The following BCR variants were observed in gnomAD, a reference collection of about 807,000 sequenced individuals.
BCR encodes BCR activator of RhoGEF and GTPase.
A neutral mutation model predicts 138.6 loss-of-function variants in BCR; 58 were observed. The observed-to-expected ratio is 0.42, with a 90% CI of 0.34 to 0.52. BCR has a LOEUF of 0.52. BCR is among the 20% of genes least tolerant of loss of function. BCR has a pLI of 0.06. For synonymous variants in BCR, 786 were observed against 730.1 expected, an observed-to-expected ratio of 1.08 and a Z score of -1.23; for missense variants, 1,599 against 1,727.2, an observed-to-expected ratio of 0.93 and a Z score of 1.32.
intron 1 of BCR, among the ~76,000 whole-genome samples, chr22:23,243,589 A>T (rs953830776): frequency 4.6e-4 from 70 of 151,734 alleles, no homozygotes; most frequent in African/African-American, 1.6e-3. Flanking sequence ...GGTATCCTTT[A>T]CAATAAACTG....
chr22:23,214,147 T>A (rs1310056777), intron 1 of BCR, among the ~76,000 whole-genome samples: 1 of 151,806 alleles, frequency 6.6e-6, no homozygotes, highest in East Asian at 1.9e-4. Context: ...TAGTTGCTGT[T>A]ATGACAGATA....
At chr22:23,269,668 C>G (rs2146285612) in intron 5 of BCR, among the ~76,000 whole-genome samples, 1 of 152,322 alleles carries the variant, frequency 6.6e-6, no homozygotes, top group East Asian at 1.9e-4. Context: ...ATCCGGGGCT[C>G]CAGCTCCCTC....
chr22:23,270,713 CTGTT>C (rs2073500586), intron 5 of BCR, among the ~76,000 whole-genome samples: 1 of 152,248 alleles, frequency 6.6e-6, no homozygotes, highest in African/African-American at 2.4e-5. Flanking sequence ...TCTTCTGTCT[CTGTT>C]TATGCTTTTG....
chr22:23,213,670 A>G (rs982578246), intron 1 of BCR, among the ~76,000 whole-genome samples: 12 of 152,128 alleles, frequency 7.9e-5, no homozygotes, highest in African/African-American at 2.9e-4. Flanking sequence ...AAAAAAACGT[A>G]AAAATATTAA....
intron 20 of BCR, 21 bp from the exon 21 acceptor site, chr22:23,313,946 AG>A: frequency 6.2e-7 from 1 of 1,603,758 alleles, no homozygotes; most frequent in Non-Finnish European, 8.5e-7. Flanking sequence ...GACCCCAAGG[AG>A]TAACCCACCG....
rs897946743 is a variant in BCR, at chr22:23,292,641, G to A, written c.2880+3G>A. ...CAGCTGAGCCAAACTGGAACGAGGT[G>A]AGGAACTGATTCCACAAGGGCCCAG... On this transcript the variant is annotated splice_donor_region_variant and intron_variant, in intron 15 of 22. Transcript: ENST00000305877. The A allele has an allele frequency of 1.9e-6, 3 of 1,609,110 alleles. No individual in the cohort carries two copies. The highest frequency in any genetic ancestry group is 1.3e-5 in the African/African-American group (1 of 74,884).
At chr22:23,299,933 T>C (rs778332058) in intron 16 of BCR, among the ~76,000 whole-genome samples, 1 of 152,090 alleles carries the variant, frequency 6.6e-6, no homozygotes, top group Non-Finnish European at 1.5e-5. Context: ...GAGTTTGGAC[T>C]CCCACGTGCA....
chr22:23,204,797 C>G (rs1044152193), intron 1 of BCR, among the ~76,000 whole-genome samples: 2 of 152,128 alleles, frequency 1.3e-5, no homozygotes, highest in Non-Finnish European at 2.9e-5. Context: ...CCCTGCCGTC[C>G]GCGTGGATGG....
At chr22:23,203,220 A>AT (rs2072576570) in intron 1 of BCR, among the ~76,000 whole-genome samples, 1 of 152,078 alleles carries the variant, frequency 6.6e-6, no homozygotes, top group Non-Finnish European at 1.5e-5. Context: ...CTGTCACTGG[A>AT]TTTACCAGGT....
At chr22:23,224,206 A>G (rs1386922751) in intron 1 of BCR, among the ~76,000 whole-genome samples, 2 of 152,146 alleles carry the variant, frequency 1.3e-5, no homozygotes, top group Non-Finnish European at 2.9e-5. Flanking sequence ...TCCTGTCCCA[A>G]GTGGCTGCCT....
chr22:23,233,563 G>A (rs2072983614), intron 1 of BCR, among the ~76,000 whole-genome samples: 1 of 152,146 alleles, frequency 6.6e-6, no homozygotes, highest in Admixed American at 6.5e-5. Flanking sequence ...TGAGGCAAAT[G>A]AATCATTTGA....
chr22:23,284,197 C>T lies in BCR; in HGVS notation c.2237+99C>T, dbSNP rs929263357. ...GGCGGAGGTCAGTGGTGATGTAGCT[C>T]GTTACATTCCGTTTCTACTTGGGCA... On this transcript the variant is annotated intron_variant, in intron 9 of 22. Transcript: ENST00000305877. 15 of 1,473,260 alleles carry T rather than the reference C, an allele frequency of 1.0e-5. No homozygotes were observed. In the East Asian group the frequency reaches 2.2e-4, roughly 22 times the overall value. The allele number at this position is 1,473,260 out of a possible 1,614,324, so 91.3% of individuals were successfully genotyped here. A position where few individuals can be genotyped will look rare whatever the true frequency, so the allele number is the denominator to read the frequency against.
intron 8 of BCR, among the ~76,000 whole-genome samples, chr22:23,281,371 C>T (rs1279738159): frequency 1.6e-4 from 25 of 152,242 alleles, no homozygotes; most frequent in Non-Finnish European, 2.8e-4. Flanking sequence ...CCGGCCCACC[C>T]TTGCCGTGTG....
intron 1 of BCR, among the ~76,000 whole-genome samples, chr22:23,207,445 A>T (rs1329790067): frequency 1.3e-5 from 2 of 151,778 alleles, no homozygotes; most frequent in African/African-American, 4.8e-5. Flanking sequence ...GCAACATAGC[A>T]AGACGCTGTC....
At chr22:23,286,565 TCTC>T (rs766301244) in intron 10 of BCR, among the ~76,000 whole-genome samples, 1 of 152,168 alleles carries the variant, frequency 6.6e-6, no homozygotes, top group Non-Finnish European at 1.5e-5. Flanking sequence ...ACTGTTGCAT[TCTC>T]CATGTTCAGC....
At position 23,287,190 on chromosome 22, in the gene BCR, G is replaced by A. The variant is rs972730655; in HGVS notation, c.2438G>A (p.Arg813Lys). The A allele has an allele frequency of 6.4e-7, 1 of 1,574,460 alleles. No homozygotes were observed. The highest frequency in any genetic ancestry group is 1.8e-5 in the Admixed American group (1 of 54,320). Residue 813 changes from arginine (R) to lysine (K), a missense_variant, in exon 11 of 23, where the codon AGG becomes AAG. Physicochemically the swap from Arg to Lys is conservative, Grantham distance 26. This residue lies in a region of BCR where 590 missense variants were observed against 762.4 expected (regional missense o/e 0.77). Coordinates refer to ENST00000305877, the MANE Select transcript of BCR (RefSeq NM_004327.4). ...RANKGSKATE[R>K]LKKKLSEQES... ...AACAAGGGCAGCAAGGCTACGGAGA[G>A]GCTGAAGAAGAAGCTGTCGGAGCAG...
At chr22:23,282,313 G>C (rs1176826244) in intron 8 of BCR, among the ~76,000 whole-genome samples, 1 of 152,250 alleles carries the variant, frequency 6.6e-6, no homozygotes, top group Non-Finnish European at 1.5e-5. Context: ...CCAGGCAGCC[G>C]TCTGCCCTCG....
At chr22:23,313,346 A>G (rs1057262783) in intron 20 of BCR, among the ~76,000 whole-genome samples, 1 of 152,208 alleles carries the variant, frequency 6.6e-6, no homozygotes, top group Non-Finnish European at 1.5e-5. Flanking sequence ...TGCTCTTGCC[A>G]TGGGTCCTGG....
rs563891547 is a variant in BCR at position 23,194,983 on chromosome 22, T to C, written c.1279+12744T>C. On this transcript the variant is annotated intron_variant, in intron 1 of 22. Coordinates refer to ENST00000305877, the MANE Select transcript of BCR (RefSeq NM_004327.4). ...AATAAATAAATACACATAAAAACCA[T>C]TGCTTTTTTTTGGCCGGGAGTGGTG... 6.6e-5 allele frequency among the ~76,000 whole-genome samples: 10 copies of C among 152,120 alleles called. No individual in the cohort carries two copies. The South Asian group carries it at 1.9e-3, about 28-fold the overall frequency.
Sources: allele counts gnomAD v4.1 joint callset (sites outside exome capture counted in the v4.1 genomes callset), GRCh38; gene constraint gnomAD v4.1.1; regional missense constraint gnomAD v4.1.1; transcripts MANE v1.5; gene names NCBI Gene and HGNC (gene_info 2026-07-23, HGNC 2026-07-21).